Variants in GLIS3 observed in about 807,000 individuals in gnomAD.
The protein encoded by GLIS3 is GLIS family zinc finger 3, also known as zinc finger protein GLIS3.
In GLIS3, 53 loss-of-function variants were observed where a neutral mutation model predicts 78.6. The observed-to-expected ratio is 0.67, with a 90% CI of 0.54 to 0.85. The LOEUF (loss-of-function observed/expected upper bound fraction) is 0.85. GLIS3 is among the 40% of genes least tolerant of loss of function. The pLI, the probability that GLIS3 is intolerant of heterozygous loss-of-function variation, is 0.00. For synonymous variants in GLIS3, 684 were observed against 509.9 expected (o/e 1.34, Z -4.60); for missense variants, 1,703 against 1,231.1 (o/e 1.38, Z -5.74).
intron 4 of GLIS3, among the ~76,000 whole-genome samples, chr9:4,046,987 G>A (rs541974979): frequency 2.6e-5 from 4 of 152,142 alleles, no homozygotes; most frequent in African/African-American, 7.2e-5. Context: ...GAAAGTTGTC[G>A]GAGTGTAGAC....
rs1588478063 is a variant in GLIS3 at position 4,025,246 on chromosome 9, T to G, written c.1711-88057A>C. ...CAACCTAGGCAACAGTGAGACTCCG[T>G]CTCAAAAAAAAAAGAAAAGAAAAGA... On this transcript the variant is annotated intron_variant, in intron 4 of 10. Coordinates refer to ENST00000381971, the MANE Select transcript of GLIS3 (RefSeq NM_001042413.2). Among the ~76,000 whole-genome samples, 4 of 148,950 alleles carry G rather than the reference T, an allele frequency of 2.7e-5. No individual in the cohort carries two copies. The South Asian group carries it at 6.4e-4, about 24-fold the overall frequency.
In GLIS3 at chr9:3,920,068, G is replaced by A. The variant is rs374678244; in HGVS notation, c.1983+12292C>T. On this transcript the variant is annotated intron_variant, in intron 6 of 10. Transcript: ENST00000381971. ...GCCCAGGCTGGAGTGCAGTGGCACG[G>A]TCTCGGCTCACTGCAAGCTCCGCCT... is the stretch of plus-strand genomic sequence containing the variant. 6.5e-3 allele frequency among the ~76,000 whole-genome samples: 947 copies of A among 145,942 alleles called. 8 individuals are homozygous for A. Among genetic ancestry groups the A allele is most frequent in the South Asian group, 0.026 (122 of 4,604 alleles).
chr9:4,220,813 A>C (rs1443043290), intron 2 of GLIS3, among the ~76,000 whole-genome samples: 1 of 152,052 alleles, frequency 6.6e-6, no homozygotes, highest in East Asian at 1.9e-4. Flanking sequence ...AAGAGACATG[A>C]CAGCAACAAT....
At chr9:4,190,296 C>A (rs201143196) in intron 2 of GLIS3, among the ~76,000 whole-genome samples, 1 of 151,974 alleles carries the variant, frequency 6.6e-6, no homozygotes, top group South Asian at 2.1e-4. Context: ...AAATTTTAGA[C>A]GAATGTATAA....
chr9:4,341,734 A>G (rs143176735), intron 2 of GLIS3, among the ~76,000 whole-genome samples: 246 of 152,320 alleles, frequency 1.6e-3, no homozygotes, highest in Non-Finnish European at 2.9e-3. Flanking sequence ...TCCTATGAAC[A>G]AGCAATCAGT....
chr9:4,316,462 C>A (rs569281457), intron 2 of GLIS3, among the ~76,000 whole-genome samples: 5 of 152,340 alleles, frequency 3.3e-5, no homozygotes, highest in South Asian at 2.1e-4. Flanking sequence ...TTTCATTCAA[C>A]ATCATTTTGT....
At chr9:3,866,414 T>A (rs1820587284) in intron 8 of GLIS3, among the ~76,000 whole-genome samples, 1 of 152,066 alleles carries the variant, frequency 6.6e-6, no homozygotes. Context: ...TGAGCCGAGA[T>A]CACGCCACTG....
At chr9:4,330,485 G>A (rs1202020993) in intron 2 of GLIS3, among the ~76,000 whole-genome samples, 1 of 152,234 alleles carries the variant, frequency 6.6e-6, no homozygotes, top group Non-Finnish European at 1.5e-5. Flanking sequence ...GACCCAGTCA[G>A]TCAAAGATCC....
At chr9:4,402,799 C>A in the GLIS3 span, among the ~76,000 whole-genome samples, 1 of 151,994 alleles carries the variant, frequency 6.6e-6, no homozygotes, top group Non-Finnish European at 1.5e-5. Context: ...GATAAAAAAA[C>A]AAGGAAGCAT....
chr9:4,015,888 C>CAAAAA (rs1049791263), intron 4 of GLIS3, among the ~76,000 whole-genome samples: 1 of 32,240 alleles, frequency 3.1e-5, no homozygotes, highest in Non-Finnish European at 7.0e-5. Flanking sequence ...GACTCTGTCT[C>CAAAAA]AAAAAAAAAA....
rs529461070 is a variant in GLIS3, at chr9:3,930,168, A to G, written c.1983+2192T>C. Among the ~76,000 whole-genome samples the G allele has an allele frequency of 9.8e-5, 15 of 152,364 alleles. No homozygotes were observed. In the South Asian group the frequency reaches 2.7e-3, roughly 27 times the overall value. ...TAAAGAATTTTTAAAATCTTTGGATAAAAAGGCAGGCTAAAATCGGAAAGT... is the reference window on the plus strand; with the variant it reads ...TAAAGAATTTTTAAAATCTTTGGATGAAAAGGCAGGCTAAAATCGGAAAGT... On this transcript the variant is annotated intron_variant, in intron 6 of 10. Coordinates refer to ENST00000381971, the MANE Select transcript of GLIS3 (RefSeq NM_001042413.2).
At chr9:4,431,844 G>GA in the GLIS3 span, among the ~76,000 whole-genome samples, 2,193 of 72,692 alleles carry the variant, frequency 0.03, 72 homozygotes, top group African/African-American at 0.1. Flanking sequence ...AACTCCATCT[G>GA]AAAAAAAAAA....
intron 9 of GLIS3, among the ~76,000 whole-genome samples, chr9:3,848,802 G>A (rs933804884): frequency 1.1e-4 from 16 of 152,234 alleles, no homozygotes; most frequent in South Asian, 6.2e-4. Context: ...TTGGTGGCTG[G>A]AAACCCTTTG....
At chr9:4,122,895 G>C (rs144033689) in intron 3 of GLIS3, among the ~76,000 whole-genome samples, 247 of 152,304 alleles carry the variant, frequency 1.6e-3, no homozygotes, top group Non-Finnish European at 2.8e-3. Context: ...CCTAAATCGA[G>C]AATGACTCCT....
chr9:4,185,496 T>A (rs1817705312), intron 2 of GLIS3, among the ~76,000 whole-genome samples: 2 of 152,190 alleles, frequency 1.3e-5, no homozygotes, highest in Admixed American at 1.3e-4. Context: ...TCAACAATTC[T>A]AAGAGCTTTA....
intron 9 of GLIS3, among the ~76,000 whole-genome samples, chr9:3,837,829 A>G (rs1588057552): frequency 6.6e-6 from 1 of 152,220 alleles, no homozygotes; most frequent in South Asian, 2.1e-4. Context: ...ACCATGGTGG[A>G]TAGATGCCAT....
chr9:4,096,059 C>G (rs1046937903), intron 4 of GLIS3, among the ~76,000 whole-genome samples: 1 of 130,286 alleles, frequency 7.7e-6, no homozygotes, highest in African/African-American at 2.8e-5. Context: ...ACAATAGAAA[C>G]ACATCTAAAT....
In GLIS3 at chr9:3,826,817, T is replaced by C. The variant is rs1817750743; in HGVS notation, c.*1455A>G. On this transcript the variant is annotated 3_prime_UTR_variant, in exon 11 of 11. Coordinates refer to ENST00000381971, the MANE Select transcript of GLIS3 (RefSeq NM_001042413.2). ...GTTTCACTTTTGTTCAGAAAAACAT[T>C]TTTAAAAAGTGAGAAAAAATACTTG... 1 of 152,202 alleles carries C rather than the reference T, an allele frequency of 6.6e-6. No homozygotes were observed. Among genetic ancestry groups the C allele is most frequent in the Non-Finnish European group, 1.5e-5 (1 of 68,026 alleles). 9.4% of individuals were successfully genotyped at this position (152,202 alleles called of 1,614,324 possible). A position where few individuals can be genotyped will look rare whatever the true frequency, so the allele number is the denominator to read the frequency against.
chr9:4,408,105 C>A, the GLIS3 span, among the ~76,000 whole-genome samples: 2 of 152,058 alleles, frequency 1.3e-5, no homozygotes, highest in Non-Finnish European at 2.9e-5. Context: ...TTATCCAAGT[C>A]AGGCAATAAC....
Sources: allele counts gnomAD v4.1 joint callset (sites outside exome capture counted in the v4.1 genomes callset), GRCh38; gene constraint gnomAD v4.1.1; transcripts MANE v1.5; gene names NCBI Gene and HGNC (gene_info 2026-07-23, HGNC 2026-07-21).